The following PSD3 variants were observed in gnomAD, a reference collection of about 807,000 sequenced individuals.
The protein encoded by PSD3 is PH and SEC7 domain-containing protein 3.
A neutral mutation model predicts 105.5 loss-of-function variants in PSD3; 49 were observed. The ratio of observed to expected loss-of-function variants is 0.46; its 90% confidence interval spans 0.37 to 0.59. PSD3 has a LOEUF of 0.59. Ranked by LOEUF, PSD3 falls within the 20% of genes least tolerant of loss-of-function variation. PSD3 has a pLI of 0.00. For synonymous variants in PSD3, 557 were observed against 457.8 expected (o/e 1.22, Z -2.77); for missense variants, 1,561 against 1,263.8 (o/e 1.24, Z -3.57).
chr8:18,947,241 G>C (rs1404526038), intron 1 of PSD3, among the ~76,000 whole-genome samples: 1 of 152,208 alleles, frequency 6.6e-6, no homozygotes, highest in East Asian at 1.9e-4. Flanking sequence ...GTGAAGGTTA[G>C]AAACAGCATG....
chr8:18,926,763 C>G (rs569221677), intron 2 of PSD3, among the ~76,000 whole-genome samples: 26 of 152,280 alleles, frequency 1.7e-4, no homozygotes, highest in Non-Finnish European at 3.1e-4. Flanking sequence ...ATCAGTCCTA[C>G]AGAGGATACC....
At chr8:18,853,758 C>A (rs1266203590) in intron 4 of PSD3, among the ~76,000 whole-genome samples, 1 of 152,172 alleles carries the variant, frequency 6.6e-6, no homozygotes, top group Non-Finnish European at 1.5e-5. Context: ...TGACCTTCCA[C>A]AGCCTGGATG....
intron 15 of PSD3, among the ~76,000 whole-genome samples, chr8:18,553,782 G>A (rs1410189235): frequency 1.3e-5 from 2 of 152,130 alleles, no homozygotes; most frequent in Non-Finnish European, 2.9e-5. Context: ...ACCCCTTTTA[G>A]ATGACAGCTG....
rs541321127 is a variant in PSD3 at position 18,679,733 on chromosome 8, T to G, written c.2173-24048A>C. 1.7e-4 allele frequency among the ~76,000 whole-genome samples: 26 copies of G among 152,324 alleles called. No homozygotes were observed. The East Asian group carries it at 4.4e-3, about 26-fold the overall frequency. The stretch of plus-strand genomic sequence containing the variant: ...GGTAGCCCGCCAGGATGCGGCATCC[T>G]GACTGAGAAACCAACAGGCCAATGT... On this transcript the variant is annotated intron_variant, in intron 9 of 15. Coordinates refer to ENST00000327040, the MANE Select transcript of PSD3 (RefSeq NM_015310.4).
chr8:18,753,224 G>A (rs1354720629), intron 9 of PSD3, among the ~76,000 whole-genome samples: 4 of 151,828 alleles, frequency 2.6e-5, no homozygotes, highest in Non-Finnish European at 5.9e-5. Context: ...GTGTGGTAGC[G>A]TGCGCCTTAG....
intron 1 of PSD3, among the ~76,000 whole-genome samples, chr8:18,960,580 G>A (rs947444941): frequency 6.6e-6 from 1 of 152,176 alleles, no homozygotes; most frequent in African/African-American, 2.4e-5. Context: ...ACAGTAAACT[G>A]CTGCTTAGTG....
rs529323322 is a variant in PSD3 at position 18,805,006 on chromosome 8, T to C, written c.1635-108A>G. 71 of 938,106 alleles carry C rather than the reference T, an allele frequency of 7.6e-5. 1 individual carries two copies. The Admixed American group carries it at 1.8e-3, about 23-fold the overall frequency. The allele number at this position is 938,106 out of a possible 1,614,324, so 58.1% of individuals were successfully genotyped here. On this transcript the variant is annotated intron_variant, in intron 4 of 15. Coordinates refer to ENST00000327040, the MANE Select transcript of PSD3 (RefSeq NM_015310.4). ...TTCTTTTAGTTCAGCTACACTTAGATGAGATCACTGTATGTTTAAATATTC... is the reference window on the plus strand; with the variant it reads ...TTCTTTTAGTTCAGCTACACTTAGACGAGATCACTGTATGTTTAAATATTC...
chr8:18,588,864 TC>T (rs1340679807), intron 12 of PSD3, among the ~76,000 whole-genome samples: 2 of 151,820 alleles, frequency 1.3e-5, no homozygotes, highest in African/African-American at 4.8e-5. Flanking sequence ...TTTCTTGGCA[TC>T]ACTCCTCTCA....
chr8:18,963,803 A>C (rs1421769516), intron 1 of PSD3, among the ~76,000 whole-genome samples: 1 of 152,236 alleles, frequency 6.6e-6, no homozygotes, highest in African/African-American at 2.4e-5. Context: ...TTATCGAAAC[A>C]TGAAGCAAAT....
chr8:18,775,237 C>T (rs1807937021), intron 8 of PSD3, among the ~76,000 whole-genome samples: 1 of 152,084 alleles, frequency 6.6e-6, no homozygotes, highest in Non-Finnish European at 1.5e-5. Context: ...ATTTATGTAC[C>T]ACATTTTCTA....
chr8:18,802,839 T>C (rs995550378), intron 6 of PSD3, among the ~76,000 whole-genome samples: 4 of 152,206 alleles, frequency 2.6e-5, no homozygotes, highest in African/African-American at 9.6e-5. Context: ...CAATATAATG[T>C]AAAAAGTGAG....
At chr8:18,845,564 T>C (rs1425335882) in intron 4 of PSD3, among the ~76,000 whole-genome samples, 1 of 152,222 alleles carries the variant, frequency 6.6e-6, no homozygotes, top group Admixed American at 6.5e-5. Flanking sequence ...TGAGGGCCGC[T>C]GGACCTCTTT....
At chr8:19,071,515 G>A (rs527461588) in intron 1 of PSD3, among the ~76,000 whole-genome samples, 11 of 152,232 alleles carry the variant, frequency 7.2e-5, no homozygotes, top group African/African-American at 2.2e-4. Context: ...GAAGAGAAAC[G>A]GGAAGGCTGT....
intron 1 of PSD3, among the ~76,000 whole-genome samples, chr8:19,042,612 T>C (rs1341280076): frequency 2.0e-5 from 3 of 152,204 alleles, no homozygotes; most frequent in East Asian, 3.9e-4. Flanking sequence ...TCCTGGGATA[T>C]AAACAAAAAG....
rs371991642 is a variant in PSD3, at chr8:18,837,428, C to T, written c.1634+30246G>A. Among the ~76,000 whole-genome samples, 6 of 152,236 alleles carry T rather than the reference C, an allele frequency of 3.9e-5. No homozygotes were observed. The South Asian group carries it at 6.2e-4, about 16-fold the overall frequency. ...GGTAAAATAAACATTCCTATGCATA[C>T]GCCAAGCTCAAGAGGAGTAGGAGCA... On this transcript the variant is annotated intron_variant, in intron 4 of 15. Coordinates refer to ENST00000327040, the MANE Select transcript of PSD3 (RefSeq NM_015310.4).
At chr8:18,586,764 C>G (rs779039290) in intron 12 of PSD3, among the ~76,000 whole-genome samples, 15 of 152,016 alleles carry the variant, frequency 9.9e-5, no homozygotes, top group Non-Finnish European at 1.9e-4. Flanking sequence ...TCCCCAAGGC[C>G]GAGACGTTGG....
At chr8:18,995,002 C>T (rs1825998440) in intron 1 of PSD3, among the ~76,000 whole-genome samples, 1 of 151,534 alleles carries the variant, frequency 6.6e-6, no homozygotes, top group East Asian at 2.0e-4. Context: ...TTTCATTAGC[C>T]AGTGGTGACT....
chr8:18,646,051 CT>C (rs1231780205), intron 10 of PSD3, among the ~76,000 whole-genome samples: 2 of 152,086 alleles, frequency 1.3e-5, no homozygotes, highest in Admixed American at 1.3e-4. Context: ...GTAGTTTCTG[CT>C]GGTTAGGAAT....
chr8:18,659,879 T>C (rs1809209772), intron 9 of PSD3, among the ~76,000 whole-genome samples: 1 of 152,314 alleles, frequency 6.6e-6, no homozygotes, highest in East Asian at 1.9e-4. Flanking sequence ...AGGGGTTATC[T>C]GGCCTAGCTG....
Sources: gnomAD v4.1 joint callset for allele counts (sites outside exome capture counted in the v4.1 genomes callset) on GRCh38, gnomAD v4.1.1 for gene constraint, MANE v1.5 for transcripts, NCBI Gene and HGNC (gene_info 2026-07-23, HGNC 2026-07-21) for gene names.